ETV1: variants seen among roughly 807,000 people sequenced by gnomAD.
The protein encoded by ETV1 is ETS translocation variant 1.
In ETV1, 27 loss-of-function variants were observed where a neutral mutation model predicts 62.3. The ratio of observed to expected loss-of-function variants is 0.43; its 90% CI spans 0.32 to 0.60. ETV1 has a LOEUF of 0.60. ETV1 is among the 20% of genes least tolerant of loss of function. The pLI, the probability that ETV1 is intolerant of heterozygous loss-of-function variation, is 0.06. For synonymous variants in ETV1, 222 were observed against 199.6 expected (o/e 1.11, Z -0.94); for missense variants, 605 against 605.8 (o/e 1.00, Z 0.01).
At chr7:13,918,493 A>G (rs1474943235) in intron 9 of ETV1, among the ~76,000 whole-genome samples, 3 of 152,184 alleles carry the variant, frequency 2.0e-5, no homozygotes, top group African/African-American at 7.2e-5. Context: ...ATGTCCAACA[A>G]TGATAGACTG....
At position 13,982,093 on chromosome 7, in the gene ETV1, A is replaced by G. The variant is rs550565422; in HGVS notation, c.181+4545T>C. 1.5e-4 allele frequency among the ~76,000 whole-genome samples: 23 copies of G among 152,172 alleles called. No individual in the cohort carries two copies. In the South Asian group the frequency reaches 4.6e-3, roughly 30 times the overall value. On this transcript the variant is annotated intron_variant, in intron 5 of 13. Coordinates refer to ENST00000430479, the MANE Select transcript of ETV1 (RefSeq NM_004956.5). ...TACTTGATCAAGGCATTATTTCCAT[A>G]TTTCTATATTCTTACTGTAACAGTA... is the stretch of plus-strand genomic sequence containing the variant.
At chr7:13,970,271 C>A (rs1377230524) in intron 6 of ETV1, among the ~76,000 whole-genome samples, 1,125 of 16,916 alleles carry the variant, frequency 0.067, 38 homozygotes, top group African/African-American at 0.18. Flanking sequence ...AAAACACACA[C>A]ACACACACAC....
At chr7:13,957,161 C>A (rs763066108) in intron 6 of ETV1, among the ~76,000 whole-genome samples, 83 of 152,198 alleles carry the variant, frequency 5.5e-4, no homozygotes, top group Non-Finnish European at 9.1e-4. Flanking sequence ...TCTCAGCTCA[C>A]TCCAAGTTCC....
At chr7:13,975,166 T>G (rs1382654101) in intron 6 of ETV1, 3 of 152,226 alleles carry the variant, frequency 2.0e-5, no homozygotes, top group Non-Finnish European at 4.4e-5. Context: ...GTGTGCTCAA[T>G]GGCCAATGTG....
In ETV1 at chr7:13,900,904, T is replaced by C. The variant is rs1054420543; in HGVS notation, c.1111-65A>G. 4 of 1,105,706 alleles carry C rather than the reference T, an allele frequency of 3.6e-6. 1 individual carries two copies. Among genetic ancestry groups the C allele is most frequent in the Non-Finnish European group, 2.6e-6 (2 of 764,794 alleles). 68.5% of individuals were successfully genotyped at this position (1,105,706 alleles called of 1,614,324 possible). On this transcript the variant is annotated intron_variant, in intron 12 of 13. Coordinates refer to ENST00000430479, the MANE Select transcript of ETV1 (RefSeq NM_004956.5). Reference sequence around the variant, plus strand: ...ACTTATCAGCATATTTCATAAAAATTATTTAATTAATTACTTCCAAACCCA... The same window carrying C: ...ACTTATCAGCATATTTCATAAAAATCATTTAATTAATTACTTCCAAACCCA...
intron 9 of ETV1, among the ~76,000 whole-genome samples, chr7:13,915,617 C>T (rs1784067607): frequency 6.6e-6 from 1 of 152,164 alleles, no homozygotes; most frequent in African/African-American, 2.4e-5. Context: ...GAGTTTTATG[C>T]AGATGTGTTT....
intron 9 of ETV1, among the ~76,000 whole-genome samples, chr7:13,921,599 A>G (rs1784858420): frequency 6.6e-6 from 1 of 152,206 alleles, no homozygotes; most frequent in Admixed American, 6.5e-5. Flanking sequence ...GAAAAGGAAG[A>G]GGATAAACAG....
chr7:13,953,464 A>T (rs144118317), intron 6 of ETV1, among the ~76,000 whole-genome samples: 1 of 152,288 alleles, frequency 6.6e-6, no homozygotes, highest in East Asian at 1.9e-4. Context: ...TGGACAATAC[A>T]TATTTAGAAG....
chr7:13,897,665 A>C (rs921827515), intron 13 of ETV1, among the ~76,000 whole-genome samples: 6 of 152,174 alleles, frequency 3.9e-5, no homozygotes, highest in African/African-American at 1.2e-4. Flanking sequence ...TCTGGCATAC[A>C]TTTATTTACT....
At chr7:13,897,594 GC>G (rs2128401927) in intron 13 of ETV1, among the ~76,000 whole-genome samples, 1 of 152,220 alleles carries the variant, frequency 6.6e-6, no homozygotes, top group South Asian at 2.1e-4. Context: ...GCCTCAGAAA[GC>G]CCATTGCAAG....
intron 9 of ETV1, among the ~76,000 whole-genome samples, chr7:13,927,890 A>T (rs1383981307): frequency 6.6e-6 from 1 of 152,218 alleles, no homozygotes; most frequent in African/African-American, 2.4e-5. Flanking sequence ...TTGAAATTAG[A>T]ACTCAAAGGT....
At chr7:13,988,834 G>A in intron 3 of ETV1, 174 bp downstream of exon 3, 2 of 1,598,180 alleles carry the variant, frequency 1.3e-6, no homozygotes, top group Non-Finnish European at 1.7e-6. Context: ...TCACTGAAAG[G>A]TAAGCTCATT....
chr7:13,929,605 T>C (rs145405973), intron 9 of ETV1, among the ~76,000 whole-genome samples: 250 of 152,276 alleles, frequency 1.6e-3, no homozygotes, highest in African/African-American at 5.6e-3. Flanking sequence ...TCCATCCTCA[T>C]GCCTTCACGA....
upstream of ETV1, chr7:13,990,017 T>C (rs1415266359): frequency 6.3e-6 from 1 of 157,632 alleles, no homozygotes; most frequent in Non-Finnish European, 1.4e-5. Context: ...CTGGTTTCCT[T>C]AAAGTACTGT....
intron 8 of ETV1, among the ~76,000 whole-genome samples, chr7:13,934,924 C>A (rs975475199): frequency 3.3e-5 from 5 of 152,128 alleles, no homozygotes; most frequent in African/African-American, 1.2e-4. Context: ...CACGCCACTG[C>A]ATACAGAAGC....
intron 3 of ETV1, 181 bp from the exon 4 acceptor site, chr7:13,988,354 T>C (rs978030831): frequency 6.8e-6 from 4 of 588,358 alleles, no homozygotes; most frequent in East Asian, 2.9e-5. Context: ...TATTTGACAG[T>C]GAAAGCTTAT....
At position 13,938,991 on chromosome 7, in the gene ETV1, TA is replaced by T. The variant is rs1787146102; in HGVS notation, c.365+125del. On this transcript the variant is annotated intron_variant, in intron 7 of 13. Coordinates refer to ENST00000430479, the MANE Select transcript of ETV1 (RefSeq NM_004956.5). ...TTCTTTAGAGTTCTGCTAAATGCATTACCTAATTAGCTTGTTACATATTAAA... is the reference window on the plus strand; with the variant it reads ...TTCTTTAGAGTTCTGCTAAATGCATTCCTAATTAGCTTGTTACATATTAAA... 15 of 868,868 alleles carry T rather than the reference TA, an allele frequency of 1.7e-5. No homozygotes were observed. In the South Asian group the frequency reaches 2.4e-4, roughly 14 times the overall value. The allele number at this position is 868,868 out of a possible 1,614,324, so 53.8% of individuals were successfully genotyped here. A position where few individuals can be genotyped will look rare whatever the true frequency, so the allele number is the denominator to read the frequency against.
chr7:13,896,751 A>AGAAAGAAAG (rs1781855499), intron 13 of ETV1, among the ~76,000 whole-genome samples: 2 of 139,138 alleles, frequency 1.4e-5, no homozygotes, highest in Admixed American at 7.0e-5. Context: ...AAGGAAAGAA[A>AGAAAGAAAG]GAAAGAAAGA....
chr7:13,960,659 GTT>G (rs1790063418), intron 6 of ETV1, among the ~76,000 whole-genome samples: 2 of 152,046 alleles, frequency 1.3e-5, no homozygotes, highest in African/African-American at 2.4e-5. Flanking sequence ...AAGCTCACAT[GTT>G]GCCATGTGAG....
Sources: gnomAD v4.1 joint callset for allele counts (sites outside exome capture counted in the v4.1 genomes callset) on GRCh38, gnomAD v4.1.1 for gene constraint, MANE v1.5 for transcripts, NCBI Gene and HGNC (gene_info 2026-07-23, HGNC 2026-07-21) for gene names.